The following COL24A1 variants were observed in gnomAD, a reference collection of about 807,000 sequenced individuals.
The protein encoded by COL24A1 is collagen type XXIV alpha 1 chain.
A neutral mutation model predicts 253.9 loss-of-function variants in COL24A1; 224 were observed. The ratio of observed to expected loss-of-function variants is 0.88; its 90% confidence interval spans 0.79 to 0.99. COL24A1 has a LOEUF of 0.99. COL24A1 is among the 50% of genes least tolerant of loss of function. COL24A1 has a pLI of 0.00. For missense variants in COL24A1, 2,131 were observed against 2,068.5 expected (o/e 1.03, Z -0.59); for synonymous variants, 685 against 673.7 (o/e 1.02, Z -0.26).
At chr1:85,925,561 A>G (rs939682210) in intron 24 of COL24A1, among the ~76,000 whole-genome samples, 1 of 152,198 alleles carries the variant, frequency 6.6e-6, no homozygotes, top group African/African-American at 2.4e-5. Context: ...TGAGAAAAAC[A>G]AGCAATGGGG....
intron 28 of COL24A1, among the ~76,000 whole-genome samples, chr1:85,904,352 C>T (rs964603195): frequency 6.6e-6 from 1 of 151,978 alleles, no homozygotes; most frequent in Non-Finnish European, 1.5e-5. Context: ...GACACAGAGG[C>T]GTATAATGGA....
chr1:85,764,898 G>T (rs1013418202), intron 53 of COL24A1, among the ~76,000 whole-genome samples: 3 of 152,032 alleles, frequency 2.0e-5, no homozygotes, highest in Admixed American at 6.6e-5. Context: ...ACAGGCATGT[G>T]CTTCTGCATG....
Position 85,822,149 on chromosome 1 carries a change from T to C in COL24A1, c.3789+1387A>G, listed in dbSNP as rs1673693817. ...ATGATATTTTTATTTATTAATATTA[T>C]TTATTGGGGAACCTAACAGAAAGTT... is the stretch of plus-strand genomic sequence containing the variant. On this transcript the variant is annotated intron_variant, in intron 45 of 59. Coordinates refer to ENST00000370571, the MANE Select transcript of COL24A1 (RefSeq NM_152890.7). Among the ~76,000 whole-genome samples the C allele has an allele frequency of 2.0e-5, 3 of 152,150 alleles. No individual in the cohort carries two copies. The South Asian group carries it at 6.2e-4, about 32-fold the overall frequency.
chr1:85,909,071 A>T (rs1685124024), intron 26 of COL24A1, among the ~76,000 whole-genome samples: 1 of 151,686 alleles, frequency 6.6e-6, no homozygotes, highest in African/African-American at 2.4e-5. Context: ...AGCAATGTAA[A>T]TGTGTACAAA....
chr1:85,879,837 C>T (rs767527089), intron 32 of COL24A1, among the ~76,000 whole-genome samples: 1 of 152,006 alleles, frequency 6.6e-6, no homozygotes, highest in Non-Finnish European at 1.5e-5. Context: ...AAAGAAAATC[C>T]ACAAATAAGA....
chr1:86,126,300 T>G, intron 2 of COL24A1, 86 bp from the exon 3 acceptor site: 1 of 1,247,902 alleles, frequency 8.0e-7, no homozygotes, highest in Non-Finnish European at 1.1e-6. Context: ...GATAAAAATC[T>G]TCCTTGTAGC....
At chr1:85,777,386 T>C (rs935996378) in intron 52 of COL24A1, among the ~76,000 whole-genome samples, 2 of 152,180 alleles carry the variant, frequency 1.3e-5, no homozygotes, top group East Asian at 1.9e-4. Flanking sequence ...TTTATGTATG[T>C]ATGAGAAATA....
At chr1:86,150,456 A>G (rs1652595834) in intron 1 of COL24A1, among the ~76,000 whole-genome samples, 2 of 152,224 alleles carry the variant, frequency 1.3e-5, no homozygotes, top group African/African-American at 4.8e-5. Flanking sequence ...GATTCTTTTA[A>G]CACTTGGAAA....
intron 5 of COL24A1, among the ~76,000 whole-genome samples, chr1:86,108,369 TAAG>T (rs1423561665): frequency 6.6e-6 from 1 of 152,104 alleles, no homozygotes; most frequent in Non-Finnish European, 1.5e-5. Flanking sequence ...ATACACATTT[TAAG>T]AAGTCAATGA....
At chr1:85,974,495 A>G (rs921540669) in intron 20 of COL24A1, among the ~76,000 whole-genome samples, 2 of 152,172 alleles carry the variant, frequency 1.3e-5, no homozygotes, top group African/African-American at 4.8e-5. Flanking sequence ...AAGAATATGC[A>G]TAGTAGAATT....
chr1:86,035,494 C>T (rs72716134), intron 12 of COL24A1, among the ~76,000 whole-genome samples: 10,949 of 151,974 alleles, frequency 0.072, 494 homozygotes, highest in Middle Eastern at 0.14. Context: ...TGCATGATTC[C>T]ATTACTGTGT....
intron 37 of COL24A1, among the ~76,000 whole-genome samples, chr1:85,854,855 C>A (rs960502535): frequency 2.6e-5 from 4 of 152,090 alleles, no homozygotes; most frequent in Non-Finnish European, 5.9e-5. Flanking sequence ...AGGTGTGCAC[C>A]ACCACGCTCA....
intron 25 of COL24A1, 104 bp downstream of exon 25, chr1:85,911,276 G>T: frequency 1.1e-6 from 1 of 883,060 alleles, no homozygotes; most frequent in Non-Finnish European, 1.8e-6. Context: ...ATGTGCTAAA[G>T]TTATAAGTGA....
intron 37 of COL24A1, among the ~76,000 whole-genome samples, chr1:85,854,083 T>A (rs1302950242): frequency 6.6e-6 from 1 of 152,170 alleles, no homozygotes; most frequent in Non-Finnish European, 1.5e-5. Flanking sequence ...CTTCTAAGGT[T>A]TTTATAGTTT....
At chr1:85,840,021 G>T (rs184339) in intron 42 of COL24A1, among the ~76,000 whole-genome samples, 18,517 of 152,060 alleles carry the variant, frequency 0.12, 1,393 homozygotes, top group Non-Finnish European at 0.16. Context: ...ACTCTTACGT[G>T]GACAAAGGTA....
At chr1:85,758,369 A>G (rs980041191) in intron 55 of COL24A1, among the ~76,000 whole-genome samples, 1 of 152,254 alleles carries the variant, frequency 6.6e-6, no homozygotes, top group African/African-American at 2.4e-5. Context: ...TCACTTAATG[A>G]TTTTTAACGA....
intron 39 of COL24A1, among the ~76,000 whole-genome samples, chr1:85,846,565 A>T (rs573028351): frequency 6.6e-6 from 1 of 151,996 alleles, no homozygotes; most frequent in African/African-American, 2.4e-5. Context: ...CAACAATCTA[A>T]TGTGCAGTAT....
chr1:85,972,795 A>T (rs548808962), intron 20 of COL24A1, among the ~76,000 whole-genome samples: 2 of 152,280 alleles, frequency 1.3e-5, no homozygotes, highest in South Asian at 4.1e-4. Flanking sequence ...AGCACGTTTC[A>T]AACTTCAGTG....
At position 85,783,502 on chromosome 1, in the gene COL24A1, T is replaced by C. The variant is rs1444407717; in HGVS notation, c.4278A>G (p.Gly1426=). 6.2e-7 allele frequency: 1 copy of C among 1,613,118 alleles called. No individual in the cohort carries two copies. The highest frequency in any genetic ancestry group is 8.5e-7 in the Non-Finnish European group (1 of 1,179,414). ...VGISGPKGPI[G]HRGNTGPLGR... ...AGAATGACTTTACACTTACTCTGTG[T>C]CCAATAGGACCTTTAGGACCTGATA... The change falls in exon 51 of 60, where the codon GGA becomes GGG. Residue 1426 remains glycine, a synonymous_variant. Transcript: ENST00000370571.
Sources: gnomAD v4.1 joint callset for allele counts (sites outside exome capture counted in the v4.1 genomes callset) on GRCh38, gnomAD v4.1.1 for gene constraint, MANE v1.5 for transcripts, NCBI Gene and HGNC (gene_info 2026-07-23, HGNC 2026-07-21) for gene names.